Variants in NUP153 observed in about 807,000 individuals in gnomAD.
NUP153 encodes nuclear pore complex protein Nup153.
Under a neutral mutation model 134.6 loss-of-function variants are expected in NUP153, and 27 were observed. The observed-to-expected ratio is 0.20, with a 90% CI of 0.15 to 0.28. The LOEUF (loss-of-function observed/expected upper bound fraction) is 0.28, where lower values mean the gene tolerates loss of function less well. Ranked by LOEUF, NUP153 falls within the 10% of genes least tolerant of loss-of-function variation. NUP153 has a pLI of 1.00. For synonymous variants in NUP153, 640 were observed against 623.5 expected (o/e 1.03, Z -0.40); for missense variants, 1,821 against 1,731.3 (o/e 1.05, Z -0.92).
At chr6:17,705,882 C>A (rs1770453222) in intron 1 of NUP153, among the ~76,000 whole-genome samples, 1 of 152,080 alleles carries the variant, frequency 6.6e-6, no homozygotes, top group Non-Finnish European at 1.5e-5. Context: ...CAGAAAACAG[C>A]AAGTATAAGG....
intron 16 of NUP153, among the ~76,000 whole-genome samples, chr6:17,635,301 G>A (rs565770374): frequency 4.6e-5 from 7 of 151,954 alleles, no homozygotes; most frequent in Non-Finnish European, 8.8e-5. Flanking sequence ...AGTAGAGACA[G>A]GGGTTCACTG....
Position 17,628,635 on chromosome 6 carries a change from A to AATG in NUP153, c.3544+19_3544+20insCAT. On this transcript the variant is annotated intron_variant, in intron 18 of 21. Coordinates refer to ENST00000262077, the MANE Select transcript of NUP153 (RefSeq NM_005124.4). The surrounding 1 kb of genome is among the most constrained non-coding windows in gnomAD (Gnocchi z 5.4). ...TAAAAAAAAAAATAATAATAATAAT[A>AATG]ATAAAAAGTTAATACTTACCAGCTG... The AATG allele has an allele frequency of 1.6e-6, 2 of 1,245,944 alleles. No homozygotes were observed. Among genetic ancestry groups the AATG allele is most frequent in the Non-Finnish European group, 2.0e-6 (2 of 981,748 alleles). The allele number at this position is 1,245,944 out of a possible 1,614,324, so 77.2% of individuals were successfully genotyped here.
chr6:17,656,030 C>T (rs543793693), intron 11 of NUP153, among the ~76,000 whole-genome samples: 49 of 152,184 alleles, frequency 3.2e-4, no homozygotes, highest in Admixed American at 1.7e-3. Context: ...CATGGTGAAA[C>T]CCCATCTCTA....
Position 17,629,230 on chromosome 6 carries a change from C to T in NUP153, c.2969G>A (p.Ser990Asn). 1.9e-6 allele frequency: 3 copies of T among 1,613,550 alleles called. No individual in the cohort carries two copies. Among genetic ancestry groups the T allele is most frequent in the Non-Finnish European group, 1.7e-6 (2 of 1,179,862 alleles). The change falls in exon 18 of 22, where the codon AGC becomes AAC. Residue 990 changes from serine (S) to asparagine (N), a missense_variant. Coordinates refer to ENST00000262077, the MANE Select transcript of NUP153 (RefSeq NM_005124.4). ...NFKFGLSSGL[S>N]NPVSLTPFQF... ...AAATGGAGTTAAAGAAACTGGGTTG[C>T]TTAAACCAGAAGAAAGTCCAAACTT...
chr6:17,669,494 C>T lies in NUP153; in HGVS notation c.905G>A (p.Gly302Asp), dbSNP rs773180250. The T allele has an allele frequency of 4.3e-6, 7 of 1,614,120 alleles. No individual in the cohort carries two copies. The highest frequency in any genetic ancestry group is 5.1e-6 in the Non-Finnish European group (6 of 1,180,002). Residue 302 changes from glycine to aspartate, a missense_variant, in exon 6 of 22, where the codon GGT becomes GAT. Transcript: ENST00000262077. Reference protein sequence around the residue: ...KAKQLSAQSYGVTSSTARRIL... With the variant: ...KAKQLSAQSYDVTSSTARRIL... ...TCGCCGAGCTGTTGAACTGGTCACA[C>T]CGTAAGATTGTGCACTGAGTTGCTT...
In NUP153 at chr6:17,665,328, CTATGGA is replaced by C. The variant is rs756774786; in HGVS notation, c.1120_1125del (p.Ser374_Ile375del). 2 of 1,613,464 alleles carry C rather than the reference CTATGGA, an allele frequency of 1.2e-6. No homozygotes were observed. The highest frequency in any genetic ancestry group is 1.7e-6 in the Non-Finnish European group (2 of 1,179,530). ...TTAAAATAAACACTTCGATTTGTTG[CTATGGA>C]AACTGGCTTTGGGGTCATAAGTCTC... On this transcript the variant is annotated inframe_deletion, in exon 9 of 22. Coordinates refer to ENST00000262077, the MANE Select transcript of NUP153 (RefSeq NM_005124.4).
chr6:17,650,236 T>C (rs988864160), intron 11 of NUP153, among the ~76,000 whole-genome samples: 10 of 152,280 alleles, frequency 6.6e-5, no homozygotes, highest in African/African-American at 2.4e-4. Context: ...GGAAGGGCAC[T>C]GAGTAAGCTT....
chr6:17,701,522 C>T (rs1025488842), intron 1 of NUP153, among the ~76,000 whole-genome samples: 3 of 150,706 alleles, frequency 2.0e-5, no homozygotes, highest in Non-Finnish European at 4.4e-5. Context: ...ATTAGCTGGG[C>T]GTGGTGGCAC....
intron 13 of NUP153, 46 bp downstream of exon 13, chr6:17,647,761 G>A: frequency 8.7e-7 from 1 of 1,151,132 alleles, no homozygotes. Flanking sequence ...AATATAACAT[G>A]GCTTTGAAAT....
At chr6:17,666,445 CAG>C (rs2113822697) in intron 8 of NUP153, among the ~76,000 whole-genome samples, 2 of 152,208 alleles carry the variant, frequency 1.3e-5, no homozygotes, top group East Asian at 3.9e-4. Context: ...AACCCGGAGG[CAG>C]AGCTTTCAAT....
intron 11 of NUP153, among the ~76,000 whole-genome samples, chr6:17,654,523 T>C (rs1387361820): frequency 1.3e-5 from 2 of 152,156 alleles, no homozygotes; most frequent in Non-Finnish European, 2.9e-5. Flanking sequence ...GGTTTCACCA[T>C]GTTGGCCAGG....
At chr6:17,686,788 TGG>T (rs1768959759) in intron 2 of NUP153, among the ~76,000 whole-genome samples, 1 of 149,914 alleles carries the variant, frequency 6.7e-6, no homozygotes, top group Admixed American at 6.7e-5. Context: ...TCAGGTGAGT[TGG>T]GGGTAGGAAG....
intron 20 of NUP153, among the ~76,000 whole-genome samples, chr6:17,617,029 G>A (rs190123722): frequency 1.7e-3 from 259 of 152,282 alleles, no homozygotes; most frequent in African/African-American, 5.3e-3. Flanking sequence ...GATTACAGGC[G>A]TAAGCCACTG....
intron 1 of NUP153, among the ~76,000 whole-genome samples, chr6:17,695,762 C>G (rs533125538): frequency 1.1e-4 from 16 of 152,218 alleles, no homozygotes; most frequent in African/African-American, 3.4e-4. Context: ...GTAATCCCAA[C>G]ACTTTAGGAG....
chr6:17,642,380 C>A (rs2328133), intron 14 of NUP153, among the ~76,000 whole-genome samples: 1 of 94,768 alleles, frequency 1.1e-5, no homozygotes, highest in Non-Finnish European at 2.8e-5. Flanking sequence ...AACAAAAAGA[C>A]AAACTGTTCA....
Position 17,688,477 on chromosome 6 carries a change from G to C in NUP153, c.253C>G (p.His85Asp). The change falls in exon 2 of 22, where the codon CAT becomes GAT. Residue 85 changes from histidine (H) to aspartate (D), a missense_variant. Transcript: ENST00000262077. ...VPRWPENKED[H>D]LVYADEESSN... ...CTCTCCTCATCGGCATATACCAGAT[G>C]GTCCTCTTTATTTTCTGGCCAGCGT... is the stretch of plus-strand genomic sequence containing the variant. The C allele has an allele frequency of 6.2e-7, 1 of 1,614,064 alleles. No homozygotes were observed. Among genetic ancestry groups the C allele is most frequent in the African/African-American group, 1.3e-5 (1 of 75,008 alleles).
Position 17,706,814 on chromosome 6 carries a change from C to G in NUP153, c.-427G>C, listed in dbSNP as rs1455424588. ...CTGGCGACGCCCGCCTACCCCTCCC[C>G]TGTGCGCACAGCGCCCGCCCCGCCG... On this transcript the variant is annotated 5_prime_UTR_variant, in exon 1 of 22. Coordinates refer to ENST00000262077, the MANE Select transcript of NUP153 (RefSeq NM_005124.4). This position sits in a 1 kb window ranked among gnomAD's most constrained non-coding sequence, Gnocchi z 5.9. 5.7e-6 allele frequency: 1 copy of G among 176,596 alleles called. No homozygotes were observed. The highest frequency in any genetic ancestry group is 1.2e-5 in the Non-Finnish European group (1 of 82,896). 10.9% of individuals were successfully genotyped at this position (176,596 alleles called of 1,614,324 possible).
chr6:17,677,026 T>TA (rs1482592570), intron 2 of NUP153, among the ~76,000 whole-genome samples: 16 of 152,276 alleles, frequency 1.1e-4, no homozygotes, highest in African/African-American at 3.4e-4. Context: ...TGCCAGAATT[T>TA]AAAGATCTCA....
At chr6:17,662,316 T>C (rs942613839) in intron 9 of NUP153, among the ~76,000 whole-genome samples, 3 of 152,302 alleles carry the variant, frequency 2.0e-5, no homozygotes, top group African/African-American at 7.2e-5. Flanking sequence ...ATACAGACAA[T>C]ACACTCACTA....
Sources: allele counts gnomAD v4.1 joint callset (sites outside exome capture counted in the v4.1 genomes callset), GRCh38; gene constraint gnomAD v4.1.1; non-coding constraint Gnocchi (gnomAD v3.1); transcripts MANE v1.5; gene names NCBI Gene and HGNC (gene_info 2026-07-23, HGNC 2026-07-21).